Variants in REDIC1 observed in about 807,000 individuals in gnomAD.
REDIC1 encodes regulator of DNA class I crossover intermediates 1.
At chr12:39,842,623 A>G in the REDIC1 span, among the ~76,000 whole-genome samples, 5 of 151,910 alleles carry the variant, frequency 3.3e-5, no homozygotes. Flanking sequence ...AAAATTTTTT[A>G]CTGAGATAAA....
the REDIC1 span, among the ~76,000 whole-genome samples, chr12:39,875,527 A>C: frequency 2.6e-5 from 4 of 152,200 alleles, no homozygotes; most frequent in Non-Finnish European, 5.9e-5. Flanking sequence ...GGATGTTTGT[A>C]TGTCCTTGGG....
the REDIC1 span, among the ~76,000 whole-genome samples, chr12:39,728,207 C>T: frequency 2.6e-5 from 4 of 152,120 alleles, no homozygotes; most frequent in Admixed American, 6.5e-5. Context: ...GAGAGGGCAT[C>T]GTTGTCTTGT....
At chr12:39,902,466 A>G in the REDIC1 span, among the ~76,000 whole-genome samples, 2 of 152,114 alleles carry the variant, frequency 1.3e-5, no homozygotes, top group Non-Finnish European at 2.9e-5. Context: ...TTCAATACTC[A>G]GTTCATACTT....
At chr12:39,821,266 C>T in the REDIC1 span, among the ~76,000 whole-genome samples, 1 of 151,912 alleles carries the variant, frequency 6.6e-6, no homozygotes, top group Non-Finnish European at 1.5e-5. Context: ...AAAAATTAGC[C>T]GGGCGTGTTG....
the REDIC1 span, among the ~76,000 whole-genome samples, chr12:39,676,643 G>A: frequency 6.6e-6 from 1 of 152,076 alleles, no homozygotes; most frequent in Non-Finnish European, 1.5e-5. Context: ...GATCACCTAG[G>A]TAAATAGTTA....
the REDIC1 span, among the ~76,000 whole-genome samples, chr12:39,894,357 A>G: frequency 1.3e-5 from 2 of 152,238 alleles, no homozygotes; most frequent in Non-Finnish European, 2.9e-5. Flanking sequence ...TATGATGATT[A>G]AAAGTAGAAT....
At chr12:39,852,803 C>T in the REDIC1 span, among the ~76,000 whole-genome samples, 1 of 152,158 alleles carries the variant, frequency 6.6e-6, no homozygotes, top group Non-Finnish European at 1.5e-5. Flanking sequence ...GTTGTGACCT[C>T]GTCTTCATTT....
At chr12:39,640,096 A>G in the REDIC1 span, among the ~76,000 whole-genome samples, 175 of 150,522 alleles carry the variant, frequency 1.2e-3, 1 homozygote, top group African/African-American at 4.0e-3. Context: ...TGTTGTCTCA[A>G]TTTTTGTCTT....
chr12:39,906,047 C>T, the REDIC1 span, among the ~76,000 whole-genome samples: 6,849 of 152,142 alleles, frequency 0.045, 533 homozygotes, highest in African/African-American at 0.15. Flanking sequence ...ATGCTAAAAA[C>T]ATGACAACTT....
the REDIC1 span, chr12:39,647,927 A>G: frequency 2.5e-6 from 4 of 1,605,190 alleles, no homozygotes; most frequent in Non-Finnish European, 3.4e-6. Flanking sequence ...CACATCTGGA[A>G]TAGCACCTAC....
the REDIC1 span, among the ~76,000 whole-genome samples, chr12:39,686,853 G>A: frequency 6.6e-6 from 1 of 152,142 alleles, no homozygotes; most frequent in Non-Finnish European, 1.5e-5. Context: ...GAAGCAGCTG[G>A]TCCATATCTT....
At chr12:39,830,470 G>T in the REDIC1 span, 5 of 1,212,762 alleles carry the variant, frequency 4.1e-6, no homozygotes, top group East Asian at 8.0e-5. Context: ...AGGAGGCTTG[G>T]ATCTGAGAGA....
the REDIC1 span, among the ~76,000 whole-genome samples, chr12:39,847,059 G>A: frequency 2.6e-5 from 4 of 152,172 alleles, no homozygotes; most frequent in Admixed American, 2.6e-4. Flanking sequence ...ACTTTGCAAA[G>A]CTAGAGTTAA....
At chr12:39,683,419 A>G in the REDIC1 span, 1 of 1,590,078 alleles carries the variant, frequency 6.3e-7, no homozygotes, top group South Asian at 1.1e-5. Context: ...TTTAAGAAAA[A>G]TTTGAAAATG....
chr12:39,651,113 A>T, the REDIC1 span, among the ~76,000 whole-genome samples: 1 of 152,184 alleles, frequency 6.6e-6, no homozygotes, highest in Admixed American at 6.6e-5. Context: ...TTGTATGCAT[A>T]CATCTATGGT....
At chr12:39,696,556 A>T in the REDIC1 span, among the ~76,000 whole-genome samples, 2 of 134,648 alleles carry the variant, frequency 1.5e-5, no homozygotes, top group East Asian at 2.0e-4. Flanking sequence ...AAAAAAAAAA[A>T]AAAAAAAAAA....
the REDIC1 span, among the ~76,000 whole-genome samples, chr12:39,868,891 G>A: frequency 1.3e-5 from 2 of 151,996 alleles, no homozygotes; most frequent in Admixed American, 1.3e-4. Flanking sequence ...CTTTGTCCAG[G>A]CTTACATATT....
the REDIC1 span, among the ~76,000 whole-genome samples, chr12:39,718,131 A>G: frequency 6.6e-6 from 1 of 152,076 alleles, no homozygotes; most frequent in African/African-American, 2.4e-5. Context: ...CAGTAATGGC[A>G]TGTTCAATGG....
chr12:39,731,653 C>A, the REDIC1 span, among the ~76,000 whole-genome samples: 1 of 152,280 alleles, frequency 6.6e-6, no homozygotes, highest in African/African-American at 2.4e-5. Context: ...AGGAGGCAGT[C>A]TGTCCCTTAG....
Sources: gnomAD v4.1 joint callset for allele counts (sites outside exome capture counted in the v4.1 genomes callset) on GRCh38, gnomAD v4.1.1 for gene constraint, MANE v1.5 for transcripts, NCBI Gene and HGNC (gene_info 2026-07-23, HGNC 2026-07-21) for gene names.